STAG1: variants seen among roughly 807,000 people sequenced by gnomAD.
STAG1 encodes STAG1 cohesin complex component, also known as cohesin subunit SA-1.
A neutral mutation model predicts 170.9 loss-of-function variants in STAG1; 26 were observed. That is an observed-to-expected ratio of 0.15 (90% CI 0.11 to 0.21). The LOEUF (loss-of-function observed/expected upper bound fraction) is 0.21, where lower values mean the gene tolerates loss of function less well. Among genes scored for constraint, STAG1 ranks in the 10% least tolerant of loss-of-function variants. The pLI is 1.00. For synonymous variants in STAG1, 514 were observed against 497.7 expected (o/e 1.03, Z -0.44); for missense variants, 964 against 1,509.5 (o/e 0.64, Z 5.99).
At chr3:136,394,048 C>A (rs933882613) in intron 22 of STAG1, among the ~76,000 whole-genome samples, 5 of 152,166 alleles carry the variant, frequency 3.3e-5, no homozygotes, top group Non-Finnish European at 7.3e-5. Flanking sequence ...ACTACAGGGA[C>A]ATGCCCATGC....
chr3:136,739,910 G>A (rs955545871), intron 1 of STAG1, among the ~76,000 whole-genome samples: 27 of 151,906 alleles, frequency 1.8e-4, no homozygotes, highest in Non-Finnish European at 3.7e-4. Context: ...TATAAACACT[G>A]CCACTTACTA....
chr3:136,344,713 A>T (rs1184919456), intron 29 of STAG1, among the ~76,000 whole-genome samples: 2 of 151,890 alleles, frequency 1.3e-5, no homozygotes, highest in Non-Finnish European at 2.9e-5. Context: ...TCCCAGGTTC[A>T]AGCGATTCTC....
At position 136,461,916 on chromosome 3, in the gene STAG1, C is replaced by T. The variant is rs542745835; in HGVS notation, c.1313+2965G>A. Among the ~76,000 whole-genome samples the T allele has an allele frequency of 2.6e-5, 4 of 152,220 alleles. No homozygotes were observed. In the East Asian group the frequency reaches 7.7e-4, roughly 29 times the overall value. On this transcript the variant is annotated intron_variant, in intron 13 of 33. Coordinates refer to ENST00000383202, the MANE Select transcript of STAG1 (RefSeq NM_005862.3). ...TGAACGGACATTTCTCAAAGGAAGA[C>T]ATACCAGTGGCCAACTGGTATACAA...
At chr3:136,434,388 T>C (rs1209367258) in intron 15 of STAG1, among the ~76,000 whole-genome samples, 1 of 152,162 alleles carries the variant, frequency 6.6e-6, no homozygotes, top group Non-Finnish European at 1.5e-5. Flanking sequence ...GCCAGTCCAA[T>C]GGTTGAAAAG....
intron 22 of STAG1, among the ~76,000 whole-genome samples, chr3:136,394,538 G>C (rs1393980381): frequency 6.6e-6 from 1 of 152,140 alleles, no homozygotes; most frequent in African/African-American, 2.4e-5. Flanking sequence ...CACTTTGGGA[G>C]GCTGAGGCGG....
At chr3:136,527,149 G>C (rs940601662) in intron 6 of STAG1, among the ~76,000 whole-genome samples, 1 of 152,158 alleles carries the variant, frequency 6.6e-6, no homozygotes, top group Non-Finnish European at 1.5e-5. Flanking sequence ...TGCCTTGCTA[G>C]GTTGGGGAAG....
intron 1 of STAG1, among the ~76,000 whole-genome samples, chr3:136,644,878 G>A (rs1169043661): frequency 6.6e-6 from 1 of 152,016 alleles, no homozygotes; most frequent in African/African-American, 2.4e-5. Flanking sequence ...CTGCCACCAT[G>A]CCCAGCTAAT....
chr3:136,548,902 A>C (rs1048189937), intron 5 of STAG1, among the ~76,000 whole-genome samples: 2 of 152,052 alleles, frequency 1.3e-5, no homozygotes, highest in African/African-American at 4.8e-5. Context: ...GTTGTTTCAA[A>C]GTGTATAGTA....
At position 136,492,402 on chromosome 3, in the gene STAG1, G is replaced by A. The variant is rs181968601; in HGVS notation, c.902+7821C>T. Reference sequence around the variant, plus strand: ...AGCTTTGTCAAGACTCAAGAAAGGTGAGTCATTAAAATAAATACTGGTGTT... The same window carrying A: ...AGCTTTGTCAAGACTCAAGAAAGGTAAGTCATTAAAATAAATACTGGTGTT... On this transcript the variant is annotated intron_variant, in intron 9 of 33. Transcript: ENST00000383202. Among the ~76,000 whole-genome samples, 10 of 152,290 alleles carry A rather than the reference G, an allele frequency of 6.6e-5. No homozygotes were observed. The East Asian group carries it at 1.9e-3, about 29-fold the overall frequency.
chr3:136,524,998 G>A (rs966262869), intron 6 of STAG1, among the ~76,000 whole-genome samples: 7 of 152,012 alleles, frequency 4.6e-5, no homozygotes, highest in East Asian at 3.9e-4. Context: ...TCAGTTTGCC[G>A]GTATTTTATT....
chr3:136,538,304 A>G (rs966018177), intron 6 of STAG1, among the ~76,000 whole-genome samples: 1 of 152,222 alleles, frequency 6.6e-6, no homozygotes, highest in Admixed American at 6.5e-5. Flanking sequence ...AGTCTTGATT[A>G]CCAAGGGTGG....
At chr3:136,515,622 A>G (rs1934333268) in intron 7 of STAG1, among the ~76,000 whole-genome samples, 1 of 152,240 alleles carries the variant, frequency 6.6e-6, no homozygotes, top group African/African-American at 2.4e-5. Flanking sequence ...AGTAATTTTT[A>G]AAATCCTTGT....
intron 3 of STAG1, among the ~76,000 whole-genome samples, chr3:136,606,951 T>C (rs1445130525): frequency 6.6e-6 from 1 of 151,796 alleles, no homozygotes; most frequent in Admixed American, 6.6e-5. Context: ...GTGGTTTCAC[T>C]GTGTTAGGCA....
intron 1 of STAG1, among the ~76,000 whole-genome samples, chr3:136,744,662 A>G (rs1376821060): frequency 6.8e-6 from 1 of 147,364 alleles, no homozygotes; most frequent in African/African-American, 2.5e-5. Context: ...TCTTAGGTAA[A>G]CTGCAACCAT....
chr3:136,382,190 T>C (rs543968716), intron 22 of STAG1, among the ~76,000 whole-genome samples: 1 of 152,270 alleles, frequency 6.6e-6, no homozygotes, highest in African/African-American at 2.4e-5. Flanking sequence ...TGTAAGAAAG[T>C]CTAGGGAATC....
chr3:136,646,086 C>T (rs1000287000), intron 1 of STAG1, among the ~76,000 whole-genome samples: 2 of 152,200 alleles, frequency 1.3e-5, no homozygotes, highest in Admixed American at 1.3e-4. Flanking sequence ...ATGGCATCTG[C>T]TCCTCAGTTT....
chr3:136,678,920 G>A (rs1942236128), intron 1 of STAG1, among the ~76,000 whole-genome samples: 1 of 146,048 alleles, frequency 6.8e-6, no homozygotes, highest in East Asian at 2.0e-4. Flanking sequence ...GCATGTGCCT[G>A]CTGTAGTACT....
intron 3 of STAG1, among the ~76,000 whole-genome samples, chr3:136,619,439 G>A (rs1939743117): frequency 6.6e-6 from 1 of 151,672 alleles, no homozygotes; most frequent in Non-Finnish European, 1.5e-5. Flanking sequence ...GTCATATTGG[G>A]TAGAGGTGGC....
chr3:136,527,151 T>C (rs991725127), intron 6 of STAG1, among the ~76,000 whole-genome samples: 39 of 152,334 alleles, frequency 2.6e-4, no homozygotes, highest in African/African-American at 9.1e-4. Context: ...CCTTGCTAGG[T>C]TGGGGAAGTT....
Sources: allele counts gnomAD v4.1 joint callset (sites outside exome capture counted in the v4.1 genomes callset), GRCh38; gene constraint gnomAD v4.1.1; transcripts MANE v1.5; gene names NCBI Gene and HGNC (gene_info 2026-07-23, HGNC 2026-07-21).